SERPINB6: variants seen among roughly 807,000 people sequenced by gnomAD.
The protein encoded by SERPINB6 is serpin family B member 6.
In SERPINB6, 16 loss-of-function variants were observed where a neutral mutation model predicts 26.1. The observed-to-expected ratio is 0.61, with a 90% CI of 0.42 to 0.93. The LOEUF (loss-of-function observed/expected upper bound fraction) is 0.93, where lower values mean the gene tolerates loss of function less well. Ranked by LOEUF, SERPINB6 falls within the 40% of genes least tolerant of loss-of-function variation. The probability of loss-of-function intolerance (pLI) is 0.00; values close to 1 mark genes in which losing one functional copy is unlikely to be tolerated. For synonymous variants in SERPINB6, 174 were observed against 176.6 expected, an observed-to-expected ratio of 0.99 and a Z score of 0.11; for missense variants, 420 against 478.0, an observed-to-expected ratio of 0.88 and a Z score of 1.13.
chr6:2,962,211 T>C (rs1401639083), intron 1 of SERPINB6: 6 of 985,320 alleles, frequency 6.1e-6, no homozygotes, highest in Non-Finnish European at 7.2e-6. Flanking sequence ...CAGCCCAGGT[T>C]ACACCATCTG....
rs893480781 is a variant in SERPINB6, at chr6:2,969,982, A to G, written c.-11+1551T>C. 8.2e-6 allele frequency: 7 copies of G among 850,048 alleles called. No homozygotes were observed. In the South Asian group the frequency reaches 1.6e-4, roughly 20 times the overall value. 52.7% of individuals were successfully genotyped at this position (850,048 alleles called of 1,614,324 possible). A position where few individuals can be genotyped will look rare whatever the true frequency, so the allele number is the denominator to read the frequency against. On this transcript the variant is annotated intron_variant, in intron 1 of 6. Coordinates refer to ENST00000380539, the MANE Select transcript of SERPINB6 (RefSeq NM_004568.6). ...AAACCCCATTGCTACTAAAAATACA[A>G]AAATTAGCCAGGTATGGAGCCCGGG...
chr6:2,954,368 C>A (rs2295768), intron 4 of SERPINB6, among the ~76,000 whole-genome samples: 5 of 152,030 alleles, frequency 3.3e-5, no homozygotes, highest in African/African-American at 9.7e-5. Context: ...AAAGGCATCA[C>A]GGGTACACCA....
At chr6:2,970,057 C>CAAAAA (rs754952384) in intron 1 of SERPINB6, 24 of 809,850 alleles carry the variant, frequency 3.0e-5, no homozygotes, top group Non-Finnish European at 3.4e-5. Flanking sequence ...TCCAGCCTGG[C>CAAAAA]AAAAAAAAAA....
intron 1 of SERPINB6, chr6:2,963,591 A>G (rs919304014): frequency 3.3e-5 from 5 of 152,336 alleles, no homozygotes; most frequent in African/African-American, 1.2e-4. Context: ...ACTGACAAAG[A>G]CAGGCAATCC....
At chr6:2,962,459 G>A (rs1771226292) in intron 1 of SERPINB6, among the ~76,000 whole-genome samples, 1 of 152,184 alleles carries the variant, frequency 6.6e-6, no homozygotes, top group South Asian at 2.1e-4. Flanking sequence ...GGTACCCTGG[G>A]CAAATCACTG....
chr6:2,958,516 C>T (rs1248049550), intron 2 of SERPINB6, among the ~76,000 whole-genome samples: 4 of 152,146 alleles, frequency 2.6e-5, no homozygotes, highest in Admixed American at 6.5e-5. Flanking sequence ...AGAACCCAGC[C>T]GCCAGGCCTA....
Position 2,948,416 on chromosome 6 carries a change from A to AT in SERPINB6, c.1012dup (p.Met338AsnfsTer56). On this transcript the variant is annotated frameshift_variant, in exon 7 of 7. Transcript: ENST00000380539. LOFTEE classifies it low-confidence loss of function (END_TRUNC). The surrounding 1 kb of genome is among the most constrained non-coding windows in gnomAD (Gnocchi z 5.0). Reference sequence around the variant, plus strand: ...GACGAATCTGGCACACCGCATCATCATGATGGCAGCTGTGGCGGCTGCAGC... The same window carrying AT: ...GACGAATCTGGCACACCGCATCATCATTGATGGCAGCTGTGGCGGCTGCAGC... 6.2e-7 allele frequency: 1 copy of AT among 1,614,222 alleles called. No individual in the cohort carries two copies. Among genetic ancestry groups the AT allele is most frequent in the South Asian group, 1.1e-5 (1 of 91,088 alleles).
intron 5 of SERPINB6, 24 bp downstream of exon 5, chr6:2,953,020 C>T (rs1279803780): frequency 3.1e-6 from 5 of 1,614,066 alleles, no homozygotes; most frequent in Non-Finnish European, 4.2e-6. Context: ...ACAGGCGCTG[C>T]TCCTGTCACG....
chr6:2,949,859 C>T (rs1040898233), intron 5 of SERPINB6, among the ~76,000 whole-genome samples: 1 of 152,176 alleles, frequency 6.6e-6, no homozygotes, highest in African/African-American at 2.4e-5. Flanking sequence ...TCTCCCTTTG[C>T]TTATCTGCTA....
At chr6:2,966,819 G>T in intron 1 of SERPINB6, 1 of 373,444 alleles carries the variant, frequency 2.7e-6, no homozygotes, top group Non-Finnish European at 3.7e-6. Flanking sequence ...ACCACGCCCA[G>T]TTCATTTTTA....
intron 1 of SERPINB6, among the ~76,000 whole-genome samples, chr6:2,961,612 C>G (rs545427535): frequency 6.6e-6 from 1 of 152,178 alleles, no homozygotes; most frequent in African/African-American, 2.4e-5. Context: ...AGAAGCACAG[C>G]CTGTGAAGTC....
rs996095405 is a variant in SERPINB6, at chr6:2,967,304, A to C, written c.-11+4229T>G. 3.7e-5 allele frequency: 32 copies of C among 863,354 alleles called. No individual in the cohort carries two copies. Among genetic ancestry groups the C allele is most frequent in the Non-Finnish European group, 4.3e-5 (31 of 718,558 alleles). The allele number at this position is 863,354 out of a possible 1,614,324, so 53.5% of individuals were successfully genotyped here. On this transcript the variant is annotated intron_variant, in intron 1 of 6. Coordinates refer to ENST00000380539, the MANE Select transcript of SERPINB6 (RefSeq NM_004568.6). The surrounding 1 kb of genome is among the most constrained non-coding windows in gnomAD (Gnocchi z 4.3). ...ACAAAAATCAACTCAAGATGGATTA[A>C]AGGCTTAGATGTAAAAGCCAAAACT...
Position 2,948,287 on chromosome 6 carries a change from C to G in SERPINB6, c.*11G>C, listed in dbSNP as rs1311225846. The stretch of plus-strand genomic sequence containing the variant: ...AGAGGAGAGGGGCTGCACACCAAGA[C>G]TGCCCTGTCCTCACGGAGAGGAAAA... On this transcript the variant is annotated 3_prime_UTR_variant, in exon 7 of 7. Coordinates refer to ENST00000380539, the MANE Select transcript of SERPINB6 (RefSeq NM_004568.6). This position sits in a 1 kb window ranked among gnomAD's most constrained non-coding sequence, Gnocchi z 5.0. 1 of 1,612,902 alleles carries G rather than the reference C, an allele frequency of 6.2e-7. No homozygotes were observed. The highest frequency in any genetic ancestry group is 1.3e-5 in the African/African-American group (1 of 74,890).
Position 2,959,231 on chromosome 6 carries a change from C to T in SERPINB6, c.102G>A (p.Met34Ile). Residue 34 changes from methionine to isoleucine, a missense_variant, in exon 2 of 7, where the codon ATG (methionine) becomes ATA (isoleucine). Coordinates refer to ENST00000380539, the MANE Select transcript of SERPINB6 (RefSeq NM_004568.6). ...TGTAGACCATGGCCAGGGCACAGGA[C>T]ATGCTCATGGGTGAGAAAAACACAT... Reference protein sequence around the residue: ...SKNVFFSPMSMSCALAMVYMG... With the variant: ...SKNVFFSPMSISCALAMVYMG... 1 of 1,614,200 alleles carries T rather than the reference C, an allele frequency of 6.2e-7. No individual in the cohort carries two copies. Among genetic ancestry groups the T allele is most frequent in the Non-Finnish European group, 8.5e-7 (1 of 1,180,038 alleles).
At chr6:2,965,949 C>T (rs1202902245) in intron 1 of SERPINB6, among the ~76,000 whole-genome samples, 1 of 152,226 alleles carries the variant, frequency 6.6e-6, no homozygotes, top group Non-Finnish European at 1.5e-5. Context: ...GTTAGGGCAG[C>T]TTTGAGCTCC....
At chr6:2,958,011 T>TG (rs1404527409) in intron 2 of SERPINB6, 2 of 152,284 alleles carry the variant, frequency 1.3e-5, no homozygotes, top group Non-Finnish European at 2.9e-5. Context: ...CCTACTGTGA[T>TG]GGGCTGCATG....
chr6:2,968,448 T>C lies in SERPINB6; in HGVS notation c.-11+3085A>G, dbSNP rs539815561. 5.2e-6 allele frequency: 5 copies of C among 953,532 alleles called. No individual in the cohort carries two copies. In the South Asian group the frequency reaches 1.6e-4, roughly 30 times the overall value. 59.1% of individuals were successfully genotyped at this position (953,532 alleles called of 1,614,324 possible). A position where few individuals can be genotyped will look rare whatever the true frequency, so the allele number is the denominator to read the frequency against. Reference sequence around the variant, plus strand: ...CCTGCGTATGTATCCTGAACCTAAATAGAGGTTTAAAAGGTTAAAAAAAAA... The same window carrying C: ...CCTGCGTATGTATCCTGAACCTAAACAGAGGTTTAAAAGGTTAAAAAAAAA... On this transcript the variant is annotated intron_variant, in intron 1 of 6. Transcript: ENST00000380539.
chr6:2,965,009 T>G (rs766902140), intron 1 of SERPINB6, among the ~76,000 whole-genome samples: 13 of 152,154 alleles, frequency 8.5e-5, no homozygotes, highest in Admixed American at 2.6e-4. Flanking sequence ...ACATTATCTA[T>G]TGCCTTCCTA....
chr6:2,962,068 A>T, intron 1 of SERPINB6: 16 of 985,456 alleles, frequency 1.6e-5, no homozygotes, highest in Non-Finnish European at 1.9e-5. Flanking sequence ...AAGAAAGGCT[A>T]ATAATAAAAC....
Sources: allele counts gnomAD v4.1 joint callset (sites outside exome capture counted in the v4.1 genomes callset), GRCh38; gene constraint gnomAD v4.1.1; non-coding constraint Gnocchi (gnomAD v3.1); transcripts MANE v1.5; gene names NCBI Gene and HGNC (gene_info 2026-07-23, HGNC 2026-07-21).